MOK: variants seen among roughly 807,000 people sequenced by gnomAD.
The protein encoded by MOK is MAPK/MAK/MRK overlapping kinase.
MOK carries 59 observed loss-of-function variants against 54.2 expected under a neutral mutation model. The observed-to-expected ratio is 1.09, with a 90% CI of 0.88 to 1.35. The LOEUF is 1.35. Ranked by LOEUF, MOK falls within the 40% of genes most tolerant of loss-of-function variation. The pLI, the probability that MOK is intolerant of heterozygous loss-of-function variation, is 0.00. For missense variants in MOK, 517 were observed against 526.2 expected (o/e 0.98, Z 0.17); for synonymous variants, 210 against 202.7 (o/e 1.04, Z -0.31).
intron 1 of MOK, among the ~76,000 whole-genome samples, chr14:102,289,402 G>C (rs548466734): frequency 3.1e-4 from 47 of 152,292 alleles, no homozygotes; most frequent in African/African-American, 1.1e-3. Context: ...CTACTGCTAA[G>C]GTGCAAAACA....
intron 1 of MOK, among the ~76,000 whole-genome samples, chr14:102,299,741 A>G (rs1295685638): frequency 6.6e-6 from 1 of 152,044 alleles, no homozygotes; most frequent in Admixed American, 6.6e-5. Context: ...ATGCACTGCC[A>G]TGCTTGGCCA....
intron 1 of MOK, among the ~76,000 whole-genome samples, chr14:102,293,474 G>A (rs1184514196): frequency 2.0e-5 from 3 of 151,920 alleles, no homozygotes; most frequent in Admixed American, 6.6e-5. Flanking sequence ...TGAGGCAGGC[G>A]GATCACCTGA....
At chr14:102,257,837 C>T (rs558838477) in intron 4 of MOK, among the ~76,000 whole-genome samples, 3 of 152,116 alleles carry the variant, frequency 2.0e-5, no homozygotes, top group South Asian at 4.2e-4. Context: ...ATTAGCAGGG[C>T]GTGGTGGCAC....
rs899925849 is a variant in MOK, at chr14:102,230,506, G to C, written c.982-849C>G. The C allele has an allele frequency of 6.6e-6, 1 of 152,232 alleles. No homozygotes were observed. The highest frequency in any genetic ancestry group is 1.5e-5 in the Non-Finnish European group (1 of 68,068). 9.4% of individuals were successfully genotyped at this position (152,232 alleles called of 1,614,324 possible). On this transcript the variant is annotated intron_variant, in intron 10 of 11. Coordinates refer to ENST00000361847, the MANE Select transcript of MOK (RefSeq NM_014226.3). This position sits in a 1 kb window ranked among gnomAD's most constrained non-coding sequence, Gnocchi z 4.1. ...ACTGCAGCAAAGCAGGGAGTGTAACGAACACCCCACGGCCACGGGGCCTAA... is the reference window on the plus strand; with the variant it reads ...ACTGCAGCAAAGCAGGGAGTGTAACCAACACCCCACGGCCACGGGGCCTAA...
intron 4 of MOK, among the ~76,000 whole-genome samples, chr14:102,260,407 T>G (rs552050465): frequency 6.6e-6 from 1 of 152,206 alleles, no homozygotes; most frequent in South Asian, 2.1e-4. Flanking sequence ...ATGAGTTAAT[T>G]CCTATAAAGT....
At chr14:102,241,073 A>G (rs1044571129) in intron 7 of MOK, among the ~76,000 whole-genome samples, 1 of 152,204 alleles carries the variant, frequency 6.6e-6, no homozygotes, top group African/African-American at 2.4e-5. Context: ...TTTTTGTCGA[A>G]AAATGGGCAA....
At chr14:102,251,428 T>G (rs1597368707) in intron 6 of MOK, 2 of 431,138 alleles carry the variant, frequency 4.6e-6, no homozygotes, top group Non-Finnish European at 8.8e-6. Flanking sequence ...TTTAGTGGCT[T>G]GGGAGTGAGA....
chr14:102,227,230 T>C (rs1822282886), downstream of MOK, among the ~76,000 whole-genome samples: 4 of 152,118 alleles, frequency 2.6e-5, no homozygotes, highest in South Asian at 8.3e-4. Context: ...ACTCAATCCG[T>C]TAACATGCCT....
rs982471988 is a variant in MOK at position 102,287,927 on chromosome 14, C to G, written c.8-4335G>C. On this transcript the variant is annotated intron_variant, in intron 1 of 11. Coordinates refer to ENST00000361847, the MANE Select transcript of MOK (RefSeq NM_014226.3). ...GGCTCACTGCAAGCTCTCCGCTTCC[C>G]GGGTTCACGCCATTCTCCTGCCTCA... Among the ~76,000 whole-genome samples the G allele has an allele frequency of 9.3e-5, 14 of 150,766 alleles. 1 individual carries two copies. Among genetic ancestry groups the G allele is most frequent in the African/African-American group, 3.2e-4 (13 of 40,422 alleles).
chr14:102,251,980 A>T lies in MOK; in HGVS notation c.299T>A (p.Leu100Ter). 1 of 1,592,250 alleles carries T rather than the reference A, an allele frequency of 6.3e-7. No homozygotes were observed. Among genetic ancestry groups the T allele is most frequent in the Non-Finnish European group, 8.6e-7 (1 of 1,160,970 alleles). The change falls in exon 5 of 12, where the codon TTA becomes TAA. Residue 100 changes from leucine to a stop codon, truncating the protein, a stop_gained. Transcript: ENST00000361847. LOFTEE classifies it high-confidence loss of function. ...YELIRGRRYPLSEKKIMHYMY... is the reference protein window; with the variant it reads ...YELIRGRRYP ...ATAGTGCATAATTTTTTTTTCTGATAATGGGTATCTTCTCCCTGTACAATC... is the reference window on the plus strand; with the variant it reads ...ATAGTGCATAATTTTTTTTTCTGATTATGGGTATCTTCTCCCTGTACAATC...
Position 102,232,352 on chromosome 14 carries a change from G to A in MOK, c.866+183C>T. 1 of 573,494 alleles carries A rather than the reference G, an allele frequency of 1.7e-6. No individual in the cohort carries two copies. Among genetic ancestry groups the A allele is most frequent in the East Asian group, 3.0e-5 (1 of 33,028 alleles). 35.5% of individuals were successfully genotyped at this position (573,494 alleles called of 1,614,324 possible). On this transcript the variant is annotated intron_variant, in intron 9 of 11. Transcript: ENST00000361847. This position sits in a 1 kb window ranked among gnomAD's most constrained non-coding sequence, Gnocchi z 5.1. ...GAGCTGCTAACATCCTCATTTTGGG[G>A]AGGATACACCAGAAGGCAGCACGGT...
intron 1 of MOK, among the ~76,000 whole-genome samples, chr14:102,286,021 C>T (rs1224807566): frequency 2.6e-5 from 4 of 152,128 alleles, no homozygotes; most frequent in Admixed American, 6.5e-5. Context: ...GCATCCGGGC[C>T]GGGCGCGGTG....
intron 1 of MOK, among the ~76,000 whole-genome samples, chr14:102,287,693 A>T (rs1399406997): frequency 6.6e-6 from 1 of 152,212 alleles, no homozygotes; most frequent in Non-Finnish European, 1.5e-5. Flanking sequence ...CACACTCACT[A>T]GAATCAAAAA....
chr14:102,294,872 A>G (rs1184679803), intron 1 of MOK, among the ~76,000 whole-genome samples: 2 of 152,214 alleles, frequency 1.3e-5, no homozygotes, highest in Non-Finnish European at 2.9e-5. Context: ...ACAACCAGCA[A>G]TAAATGGAAC....
At chr14:102,258,527 T>C (rs113211991) in intron 4 of MOK, among the ~76,000 whole-genome samples, 1,966 of 152,296 alleles carry the variant, frequency 0.013, 33 homozygotes, top group Admixed American at 0.035. Flanking sequence ...TCCACATGGG[T>C]GGGAACTGTG....
Position 102,231,602 on chromosome 14 carries a change from C to T in MOK, c.981+105G>A. ...AGGCCTCGACTGACAATGTGGTCTG[C>T]CACAGCCTCCACAGGTGGCGTCCTC... On this transcript the variant is annotated intron_variant, in intron 10 of 11. Transcript: ENST00000361847. The surrounding 1 kb of genome is among the most constrained non-coding windows in gnomAD (Gnocchi z 4.4). 2.1e-6 allele frequency: 2 copies of T among 947,740 alleles called. No homozygotes were observed. Among genetic ancestry groups the T allele is most frequent in the Non-Finnish European group, 1.7e-6 (1 of 602,714 alleles). The allele number at this position is 947,740 out of a possible 1,614,324, so 58.7% of individuals were successfully genotyped here.
downstream of MOK, among the ~76,000 whole-genome samples, chr14:102,220,324 A>G (rs2063741833): frequency 6.6e-6 from 1 of 152,218 alleles, no homozygotes; most frequent in Admixed American, 6.5e-5. This position sits in a 1 kb window ranked among gnomAD's most constrained non-coding sequence, Gnocchi z 4.2. Flanking sequence ...CAACCTGAAA[A>G]GTGCCATAAC....
chr14:102,289,427 C>T (rs2070505006), intron 1 of MOK, among the ~76,000 whole-genome samples: 1 of 152,150 alleles, frequency 6.6e-6, no homozygotes, highest in African/African-American at 2.4e-5. Flanking sequence ...GCTTTCAATA[C>T]TATTCTAGTT....
intron 2 of MOK, among the ~76,000 whole-genome samples, chr14:102,272,208 G>A (rs1451776128): frequency 6.6e-6 from 1 of 152,210 alleles, no homozygotes; most frequent in East Asian, 1.9e-4. Flanking sequence ...AAAAGTATAG[G>A]CCAAGCATGG....
Sources: allele counts gnomAD v4.1 joint callset (sites outside exome capture counted in the v4.1 genomes callset), GRCh38; gene constraint gnomAD v4.1.1; non-coding constraint Gnocchi (gnomAD v3.1); transcripts MANE v1.5; gene names NCBI Gene and HGNC (gene_info 2026-07-23, HGNC 2026-07-21).